The following EIF4G3 variants were observed in gnomAD, a reference collection of about 807,000 sequenced individuals.
EIF4G3 encodes the protein eukaryotic translation initiation factor 4 gamma 3.
In EIF4G3, 34 loss-of-function variants were observed where a neutral mutation model predicts 186.4. The observed-to-expected ratio is 0.18, with a 90% CI of 0.14 to 0.24. The LOEUF is 0.24. EIF4G3 is among the 10% of genes least tolerant of loss of function. EIF4G3 has a pLI of 1.00. For missense variants in EIF4G3, 1,536 were observed against 1,948.5 expected (o/e 0.79, Z 3.99); for synonymous variants, 673 against 679.5 (o/e 0.99, Z 0.15).
chr1:21,135,073 A>G (rs2097215246), intron 2 of EIF4G3, among the ~76,000 whole-genome samples: 1 of 152,248 alleles, frequency 6.6e-6, no homozygotes, highest in Non-Finnish European at 1.5e-5. Flanking sequence ...CCCACCACAT[A>G]CACTAAATTT....
At chr1:21,151,754 C>T (rs1213190177) in intron 2 of EIF4G3, among the ~76,000 whole-genome samples, 1 of 151,410 alleles carries the variant, frequency 6.6e-6, no homozygotes, top group Non-Finnish European at 1.5e-5. Flanking sequence ...CAAGGTATTC[C>T]TTGAATATAT....
chr1:20,993,252 C>A (rs1332324293), intron 7 of EIF4G3, among the ~76,000 whole-genome samples: 1 of 152,114 alleles, frequency 6.6e-6, no homozygotes, highest in East Asian at 1.9e-4. Flanking sequence ...GCCCTCCAAA[C>A]AGAGTTAAAA....
intron 30 of EIF4G3, among the ~76,000 whole-genome samples, chr1:20,839,403 G>A (rs143727991): frequency 2.0e-5 from 3 of 152,086 alleles, no homozygotes; most frequent in Non-Finnish European, 2.9e-5. Context: ...GAGTCACCAC[G>A]CCTGGCAAGA....
At chr1:21,118,931 T>TA (rs35040627) in intron 2 of EIF4G3, among the ~76,000 whole-genome samples, 4,608 of 86,022 alleles carry the variant, frequency 0.054, 183 homozygotes, top group African/African-American at 0.13. Context: ...CAAGCTCTAT[T>TA]AAAAAAAAAA....
intron 33 of EIF4G3, among the ~76,000 whole-genome samples, chr1:20,822,712 T>C (rs1282041805): frequency 1.3e-5 from 2 of 151,758 alleles, no homozygotes; most frequent in Non-Finnish European, 2.9e-5. Context: ...GCATGAGCCA[T>C]TGTGTCTGGC....
At position 20,825,116 on chromosome 1, in the gene EIF4G3, T is replaced by C; in HGVS notation, c.4352A>G (p.Asn1451Ser). The part of the protein sequence containing the change: ...DFLPEGEDVH[N>S]FLLEQKLDFI... ...TGTTCTTACCTGCTCCAAAAGAAAA[T>C]TATGTACATCTTCTCCTTCTGGTAA... The change falls in exon 33 of 37, where the codon AAT (asparagine) becomes AGT (serine). Residue 1451 changes from asparagine to serine, a missense_variant. This residue lies in a region of EIF4G3 where 395 missense variants were observed against 498.9 expected (regional missense o/e 0.79). Transcript: ENST00000602326. The C allele has an allele frequency of 1.2e-6, 2 of 1,611,516 alleles. No individual in the cohort carries two copies. The highest frequency in any genetic ancestry group is 8.5e-7 in the Non-Finnish European group (1 of 1,178,868).
rs148152331 is a variant in EIF4G3 at position 21,113,985 on chromosome 1, C to G, written c.-271-24772G>C. 2.9e-3 allele frequency among the ~76,000 whole-genome samples: 434 copies of G among 152,258 alleles called. 1 individual carries two copies. Among genetic ancestry groups the G allele is most frequent in the Admixed American group, 4.6e-3 (71 of 15,290 alleles). ...GAGCCATGATCACAGCACTACACTC[C>G]AGCCAGAGTGATACAGTGAGGCCCT... On this transcript the variant is annotated intron_variant, in intron 2 of 36. Transcript: ENST00000602326.
intron 4 of EIF4G3, among the ~76,000 whole-genome samples, chr1:21,006,919 T>C (rs1238362878): frequency 6.6e-6 from 1 of 152,196 alleles, no homozygotes; most frequent in Non-Finnish European, 1.5e-5. Flanking sequence ...TATACAGCTT[T>C]TACTAGGTTT....
intron 3 of EIF4G3, chr1:21,064,407 G>A (rs2095119610): frequency 6.6e-6 from 1 of 152,112 alleles, no homozygotes; most frequent in African/African-American, 2.4e-5. Flanking sequence ...TATTTTCTCT[G>A]TTACTAATTC....
At chr1:20,886,659 C>G (rs374393670) in intron 18 of EIF4G3, among the ~76,000 whole-genome samples, 7 of 152,134 alleles carry the variant, frequency 4.6e-5, no homozygotes, top group Non-Finnish European at 7.4e-5. Context: ...TTAAGCTTAT[C>G]TTTTATTAGT....
At chr1:20,854,197 A>T (rs1557930268) in intron 26 of EIF4G3, among the ~76,000 whole-genome samples, 1 of 152,110 alleles carries the variant, frequency 6.6e-6, no homozygotes, top group Non-Finnish European at 1.5e-5. Context: ...TTTGGTCCTG[A>T]GGTCAAATCT....
intron 14 of EIF4G3, among the ~76,000 whole-genome samples, chr1:20,914,588 T>C (rs1395289900): frequency 2.0e-5 from 3 of 152,172 alleles, no homozygotes; most frequent in East Asian, 1.9e-4. Flanking sequence ...TCCAAAACTG[T>C]AAGATAATTA....
At chr1:20,898,494 A>T (rs2089185884) in intron 16 of EIF4G3, among the ~76,000 whole-genome samples, 1 of 152,206 alleles carries the variant, frequency 6.6e-6, no homozygotes, top group South Asian at 2.1e-4. Flanking sequence ...TCTAAAAACA[A>T]TACTTATTCT....
At chr1:21,047,918 C>T (rs1410397570) in intron 4 of EIF4G3, among the ~76,000 whole-genome samples, 1 of 152,114 alleles carries the variant, frequency 6.6e-6, no homozygotes, top group African/African-American at 2.4e-5. Context: ...TCCATAGAGG[C>T]TTCCCTCTGT....
intron 4 of EIF4G3, among the ~76,000 whole-genome samples, chr1:21,016,008 C>T (rs2088894444): frequency 6.6e-6 from 1 of 152,082 alleles, no homozygotes; most frequent in Non-Finnish European, 1.5e-5. Flanking sequence ...AATACATGGA[C>T]AAATATATAA....
chr1:21,056,023 G>A (rs541417733), intron 3 of EIF4G3, among the ~76,000 whole-genome samples: 1 of 152,216 alleles, frequency 6.6e-6, no homozygotes, highest in African/African-American at 2.4e-5. Flanking sequence ...AAATGTTTGA[G>A]AGAAAGAGAA....
chr1:21,031,019 C>T (rs2092692619), intron 4 of EIF4G3, among the ~76,000 whole-genome samples: 1 of 151,970 alleles, frequency 6.6e-6, no homozygotes, highest in African/African-American at 2.4e-5. Flanking sequence ...AACTCCACCC[C>T]TACTAAAAAT....
At chr1:20,894,201 G>A (rs556138301) in intron 17 of EIF4G3, among the ~76,000 whole-genome samples, 13 of 152,292 alleles carry the variant, frequency 8.5e-5, no homozygotes, top group African/African-American at 3.1e-4. Flanking sequence ...CATGTAATGT[G>A]ACCATGGACA....
Position 21,148,705 on chromosome 1 carries a change from T to TAA in EIF4G3, c.-272+27468_-272+27469dup, listed in dbSNP as rs765374275. Among the ~76,000 whole-genome samples, 254 of 108,942 alleles carry TAA rather than the reference T, an allele frequency of 2.3e-3. 1 individual carries two copies. Among genetic ancestry groups the TAA allele is most frequent in the African/African-American group, 5.6e-3 (156 of 27,764 alleles). 71.5% of individuals were successfully genotyped at this position (108,942 alleles called of 152,430 possible). ...CGACAGAGTGAGACTCTGTCTCATT[T>TAA]AAAAAAAAAAAAAAAAAAAAAGTGC... On this transcript the variant is annotated intron_variant, in intron 2 of 36. Coordinates refer to ENST00000602326, the MANE Select transcript of EIF4G3 (RefSeq NM_001391906.1).
Sources: gnomAD v4.1 joint callset for allele counts (sites outside exome capture counted in the v4.1 genomes callset) on GRCh38, gnomAD v4.1.1 for gene constraint, gnomAD v4.1.1 regional missense constraint, MANE v1.5 for transcripts, NCBI Gene and HGNC (gene_info 2026-07-23, HGNC 2026-07-21) for gene names.